Variants in HS6ST3 observed in about 807,000 individuals in gnomAD.
HS6ST3 encodes heparan sulfate 6-O-sulfotransferase 3.
HS6ST3 carries 12 observed loss-of-function variants against 36.7 expected under a neutral mutation model. The ratio of observed to expected loss-of-function variants is 0.33; its 90% CI spans 0.21 to 0.53. The LOEUF (loss-of-function observed/expected upper bound fraction) is 0.53, where lower values mean the gene tolerates loss of function less well. Among genes scored for constraint, HS6ST3 ranks in the 20% least tolerant of loss-of-function variants. The pLI is 0.95. For missense variants in HS6ST3, 584 were observed against 640.9 expected, an observed-to-expected ratio of 0.91 and a Z score of 0.96; for synonymous variants, 240 against 257.5, an observed-to-expected ratio of 0.93 and a Z score of 0.65.
chr13:96,786,746 A>G (rs1462734426), intron 1 of HS6ST3, among the ~76,000 whole-genome samples: 1 of 152,204 alleles, frequency 6.6e-6, no homozygotes, highest in Non-Finnish European at 1.5e-5. Context: ...AAATTTTTAT[A>G]TAGTCAAATT....
chr13:96,688,845 C>T (rs1874858343), intron 1 of HS6ST3, among the ~76,000 whole-genome samples: 2 of 151,956 alleles, frequency 1.3e-5, no homozygotes, highest in Admixed American at 6.6e-5. Flanking sequence ...CCTCATTTAC[C>T]GAAGTTTTCT....
At chr13:96,442,296 G>A (rs1027980681) in intron 1 of HS6ST3, among the ~76,000 whole-genome samples, 7 of 152,194 alleles carry the variant, frequency 4.6e-5, no homozygotes, top group Non-Finnish European at 8.8e-5. Flanking sequence ...TTCCAAGCAT[G>A]AGCCACTGCC....
intron 1 of HS6ST3, among the ~76,000 whole-genome samples, chr13:96,513,741 T>A (rs1016633956): frequency 6.6e-6 from 1 of 152,136 alleles, no homozygotes; most frequent in Non-Finnish European, 1.5e-5. Flanking sequence ...GATTTCATTA[T>A]GCACCATCAT....
intron 1 of HS6ST3, among the ~76,000 whole-genome samples, chr13:96,362,452 ATC>A (rs2055243104): frequency 6.6e-6 from 1 of 152,170 alleles, no homozygotes; most frequent in Admixed American, 6.5e-5. Context: ...GTACAATCTT[ATC>A]TCTGTTTTAT....
intron 1 of HS6ST3, among the ~76,000 whole-genome samples, chr13:96,461,291 C>T (rs1489921922): frequency 6.6e-6 from 1 of 152,084 alleles, no homozygotes; most frequent in Admixed American, 6.6e-5. Flanking sequence ...GACAGTTCAG[C>T]AGAAGTGATT....
intron 1 of HS6ST3, among the ~76,000 whole-genome samples, chr13:96,648,483 C>CTTTTTTT (rs10716120): frequency 1.4e-5 from 2 of 141,060 alleles, no homozygotes; most frequent in African/African-American, 2.6e-5. Context: ...TTTCCACTTT[C>CTTTTTTT]TTTTTTTTTT....
intron 1 of HS6ST3, among the ~76,000 whole-genome samples, chr13:96,132,285 A>G (rs2053980168): frequency 6.6e-6 from 1 of 152,164 alleles, no homozygotes; most frequent in East Asian, 1.9e-4. Context: ...TATTTTCAAT[A>G]TATTGATTTC....
chr13:96,277,724 T>C (rs1208306928), intron 1 of HS6ST3, among the ~76,000 whole-genome samples: 1 of 152,158 alleles, frequency 6.6e-6, no homozygotes, highest in Non-Finnish European at 1.5e-5. Context: ...ATTACCGCTA[T>C]GAAAAAGCAT....
chr13:96,537,288 G>T (rs1238308743), intron 1 of HS6ST3, among the ~76,000 whole-genome samples: 1 of 152,112 alleles, frequency 6.6e-6, no homozygotes, highest in African/African-American at 2.4e-5. Flanking sequence ...CAGTATGGGG[G>T]AAACCACCCC....
At chr13:96,122,921 CTG>C (rs2053933151) in intron 1 of HS6ST3, among the ~76,000 whole-genome samples, 1 of 152,016 alleles carries the variant, frequency 6.6e-6, no homozygotes. Context: ...TGGGTTTTGT[CTG>C]TATTTTTTTT....
intron 1 of HS6ST3, among the ~76,000 whole-genome samples, chr13:96,315,876 T>C (rs149524617): frequency 6.6e-5 from 10 of 152,274 alleles, no homozygotes; most frequent in African/African-American, 1.2e-4. Flanking sequence ...GGGTTTTCTT[T>C]ATAAGAAGAC....
At chr13:96,333,049 C>A (rs1044425142) in intron 1 of HS6ST3, among the ~76,000 whole-genome samples, 1 of 152,206 alleles carries the variant, frequency 6.6e-6, no homozygotes, top group African/African-American at 2.4e-5. Context: ...ACTTCTCAGC[C>A]TCTAAAACTG....
At chr13:96,553,122 G>C (rs920310929) in intron 1 of HS6ST3, among the ~76,000 whole-genome samples, 1 of 152,118 alleles carries the variant, frequency 6.6e-6, no homozygotes, top group African/African-American at 2.4e-5. Context: ...GTTTTTGAAG[G>C]AGTCTGTGTA....
intron 1 of HS6ST3, among the ~76,000 whole-genome samples, chr13:96,658,672 T>C (rs2056635744): frequency 6.6e-6 from 1 of 151,702 alleles, no homozygotes; most frequent in Non-Finnish European, 1.5e-5. Flanking sequence ...GTATGGCGGT[T>C]ATATGAACTC....
intron 1 of HS6ST3, among the ~76,000 whole-genome samples, chr13:96,799,294 A>G (rs1877984279): frequency 6.6e-6 from 1 of 151,980 alleles, no homozygotes; most frequent in Non-Finnish European, 1.5e-5. Flanking sequence ...CTTTTTAATG[A>G]TTGCCATTCT....
intron 1 of HS6ST3, among the ~76,000 whole-genome samples, chr13:96,473,652 G>A (rs899065020): frequency 6.6e-6 from 1 of 152,112 alleles, no homozygotes; most frequent in African/African-American, 2.4e-5. Context: ...CTCTTGGCAG[G>A]GACTTACACT....
chr13:96,096,307 A>C (rs2053790622), intron 1 of HS6ST3, among the ~76,000 whole-genome samples: 1 of 152,176 alleles, frequency 6.6e-6, no homozygotes, highest in Admixed American at 6.5e-5. Flanking sequence ...GAACTTAATA[A>C]AATTTATAAC....
intron 1 of HS6ST3, among the ~76,000 whole-genome samples, chr13:96,381,667 A>G (rs2055342294): frequency 6.6e-6 from 1 of 152,148 alleles, no homozygotes; most frequent in Non-Finnish European, 1.5e-5. Flanking sequence ...TTCATGGGGT[A>G]GGGATAGCTC....
intron 1 of HS6ST3, among the ~76,000 whole-genome samples, chr13:96,247,946 GGT>G (rs2054591752): frequency 6.6e-6 from 1 of 151,920 alleles, no homozygotes; most frequent in South Asian, 2.1e-4. Context: ...TTCTCACTTG[GGT>G]GTCAACTCTA....
Sources: allele counts gnomAD v4.1 joint callset (sites outside exome capture counted in the v4.1 genomes callset), GRCh38; gene constraint gnomAD v4.1.1; transcripts MANE v1.5; gene names NCBI Gene and HGNC (gene_info 2026-07-23, HGNC 2026-07-21).